SLC6A11: variants seen among roughly 807,000 people sequenced by gnomAD.
The protein encoded by SLC6A11 is solute carrier family 6 member 11, also known as sodium- and chloride-dependent GABA transporter 3.
SLC6A11 carries 25 observed loss-of-function variants against 74.8 expected under a neutral mutation model. The observed-to-expected ratio is 0.33, with a 90% CI of 0.24 to 0.47. The LOEUF is 0.47. Among genes scored for constraint, SLC6A11 ranks in the 20% least tolerant of loss-of-function variants. The probability of loss-of-function intolerance (pLI) is 1.00; values close to 1 mark genes in which losing one functional copy is unlikely to be tolerated. For synonymous variants in SLC6A11, 330 were observed against 330.2 expected, an observed-to-expected ratio of 1.00 and a Z score of 0.01; for missense variants, 574 against 837.0, an observed-to-expected ratio of 0.69 and a Z score of 3.88.
At chr3:10,852,025 G>A (rs566726161) in intron 5 of SLC6A11, among the ~76,000 whole-genome samples, 2 of 152,242 alleles carry the variant, frequency 1.3e-5, no homozygotes, top group South Asian at 2.1e-4. Flanking sequence ...GCTCAATGAG[G>A]CATAAAGCAG....
Position 10,935,187 on chromosome 3 carries a change from G to A in SLC6A11, c.1734G>A (p.Gly578=). 1 of 1,614,142 alleles carries A rather than the reference G, an allele frequency of 6.2e-7. No homozygotes were observed. Among genetic ancestry groups the A allele is most frequent in the Non-Finnish European group, 8.5e-7 (1 of 1,179,992 alleles). The part of the protein sequence containing the change: ...WICITVWKTE[G]TLPEKLQKLT... ...GCATCACAGTGTGGAAGACGGAGGG[G>A]ACACTGCCCGAGGTGAGACCGCCCC... The change falls in exon 13 of 14, where the codon GGG becomes GGA. Residue 578 remains glycine (G), a synonymous_variant. Coordinates refer to ENST00000254488, the MANE Select transcript of SLC6A11 (RefSeq NM_014229.3).
At chr3:10,866,975 G>A (rs3774109) in intron 5 of SLC6A11, among the ~76,000 whole-genome samples, 14,258 of 152,190 alleles carry the variant, frequency 0.094, 958 homozygotes, top group Admixed American at 0.23. Context: ...TCCTGGGAAT[G>A]CAGGTAGTAG....
chr3:10,921,849 ACTTCAAG>A (rs148084254), intron 8 of SLC6A11, among the ~76,000 whole-genome samples: 15,805 of 152,178 alleles, frequency 0.1, 1,351 homozygotes, highest in Admixed American at 0.29. Flanking sequence ...GACAAAGTAA[ACTTCAAG>A]TCAAAAAATA....
rs768267111 is a variant in SLC6A11 at position 10,938,375 on chromosome 3, C to G, written c.1872C>G (p.Ala624=). The change falls in exon 14 of 14, where the codon GCC becomes GCG. Residue 624 remains alanine (A), a synonymous_variant. Transcript: ENST00000254488. Reference sequence around the variant, plus strand: ...TCAAGAGTGACGGGACCATCGCAGCCATCACAGAGAAGGAGACGCACTTCT... The same window carrying G: ...TCAAGAGTGACGGGACCATCGCAGCGATCACAGAGAAGGAGACGCACTTCT... ...AKLKSDGTIA[A]ITEKETHF The G allele has an allele frequency of 1.9e-6, 3 of 1,608,728 alleles. No individual in the cohort carries two copies. The South Asian group carries it at 3.3e-5, about 18-fold the overall frequency.
chr3:10,934,012 A>G (rs1460328269), intron 11 of SLC6A11, 54 bp from the exon 12 acceptor site: 2 of 1,193,822 alleles, frequency 1.7e-6, no homozygotes, highest in African/African-American at 3.0e-5. Flanking sequence ...CCTCTGACTC[A>G]TGTACAAAAC....
intron 7 of SLC6A11, among the ~76,000 whole-genome samples, chr3:10,913,081 T>G (rs1180273687): frequency 2.0e-5 from 3 of 147,724 alleles, no homozygotes; most frequent in African/African-American, 4.9e-5. Context: ...TAACAAATGG[T>G]TCTGAGATAG....
intron 6 of SLC6A11, among the ~76,000 whole-genome samples, chr3:10,893,350 C>T (rs1263795878): frequency 6.6e-6 from 1 of 152,094 alleles, no homozygotes; most frequent in Admixed American, 6.6e-5. Flanking sequence ...TTCTACCTCG[C>T]CCAGAAGGGA....
At chr3:10,861,128 G>A (rs1464767495) in intron 5 of SLC6A11, among the ~76,000 whole-genome samples, 1 of 152,208 alleles carries the variant, frequency 6.6e-6, no homozygotes, top group African/African-American at 2.4e-5. Context: ...CTGTGAGGCA[G>A]GACTTGTTCC....
At chr3:10,897,084 G>T (rs1436415864) in intron 6 of SLC6A11, among the ~76,000 whole-genome samples, 1 of 152,152 alleles carries the variant, frequency 6.6e-6, no homozygotes, top group Non-Finnish European at 1.5e-5. Flanking sequence ...ATCAGATTTT[G>T]TGAGACTTAT....
At chr3:10,936,323 T>C (rs1292395110) in intron 13 of SLC6A11, among the ~76,000 whole-genome samples, 2 of 152,228 alleles carry the variant, frequency 1.3e-5, no homozygotes, top group East Asian at 3.9e-4. Context: ...CTCCGGCTTG[T>C]GTGGTCCTGT....
At chr3:10,898,578 C>G (rs545839094) in intron 6 of SLC6A11, among the ~76,000 whole-genome samples, 1 of 152,352 alleles carries the variant, frequency 6.6e-6, no homozygotes, top group East Asian at 1.9e-4. Flanking sequence ...CACGTTTGCT[C>G]CAGTTTCCAG....
intron 6 of SLC6A11, among the ~76,000 whole-genome samples, chr3:10,884,989 G>A (rs1354179394): frequency 6.6e-6 from 1 of 152,086 alleles, no homozygotes; most frequent in Non-Finnish European, 1.5e-5. Flanking sequence ...CTGAACAACT[G>A]AGGCACAAGT....
At position 10,935,196 on chromosome 3, in the gene SLC6A11, C is replaced by T. The variant is rs757407323; in HGVS notation, c.1743C>T (p.Pro581=). The T allele has an allele frequency of 1.9e-5, 30 of 1,613,810 alleles. No individual in the cohort carries two copies. Among genetic ancestry groups the T allele is most frequent in the Non-Finnish European group, 2.3e-5 (27 of 1,179,894 alleles). Residue 581 remains proline (P), a synonymous_variant, in exon 13 of 14, where the codon CCC becomes CCT. Coordinates refer to ENST00000254488, the MANE Select transcript of SLC6A11 (RefSeq NM_014229.3). ...TGTGGAAGACGGAGGGGACACTGCCCGAGGTGAGACCGCCCCAGGAGGGCT... is the reference window on the plus strand; with the variant it reads ...TGTGGAAGACGGAGGGGACACTGCCTGAGGTGAGACCGCCCCAGGAGGGCT... ...ITVWKTEGTL[P]EKLQKLTTPS... is the part of the protein sequence containing the mutation.
chr3:10,933,915 A>G, intron 11 of SLC6A11, 151 bp from the exon 12 acceptor site: 1 of 572,472 alleles, frequency 1.7e-6, no homozygotes, highest in Non-Finnish European at 3.2e-6. Flanking sequence ...CACACATGTA[A>G]CATCTCGGTC....
chr3:10,875,095 G>C lies in SLC6A11; in HGVS notation c.891G>C (p.Gln297His), dbSNP rs780616136. The change falls in exon 6 of 14, where the codon CAG becomes CAC. Residue 297 changes from glutamine (Q) to histidine (H), a missense_variant and splice_region_variant. Gln to His is a conservative substitution (Grantham distance 24). Around this residue, in one of 4 missense-constraint regions of SLC6A11, gnomAD observed 215 missense variants for 357.9 expected, o/e 0.60. Transcript: ENST00000254488. ...ACCTCTCCCGGCTCTCCGACCCCCA[G>C]GTAAGAGTCGCTTGCTCAATGTGCA... Reference protein sequence around the residue: ...YPDLSRLSDPQVWVDAGTQIF... With the variant: ...YPDLSRLSDPHVWVDAGTQIF... 6.2e-7 allele frequency: 1 copy of C among 1,604,390 alleles called. No individual in the cohort carries two copies. Among genetic ancestry groups the C allele is most frequent in the South Asian group, 1.1e-5 (1 of 89,896 alleles).
intron 6 of SLC6A11, among the ~76,000 whole-genome samples, chr3:10,908,870 A>G (rs1295100396): frequency 6.6e-6 from 1 of 152,164 alleles, no homozygotes; most frequent in Admixed American, 6.5e-5. Flanking sequence ...TATTAGCTTG[A>G]GTTTGAAGTG....
chr3:10,918,336 A>T lies in SLC6A11; in HGVS notation c.1003A>T (p.Ile335Phe). ...CTCGCTGCTTCCCCACAGGGACTGC[A>T]TCATGCTCTGTTGCCTGAACAGCGG... ...NYNNNCYRDC[I>F]MLCCLNSGTS... The change falls in exon 8 of 14, where the codon ATC becomes TTC. Residue 335 changes from isoleucine (I) to phenylalanine (F), a missense_variant. Ile to Phe is a conservative substitution (Grantham distance 21). Coordinates refer to ENST00000254488, the MANE Select transcript of SLC6A11 (RefSeq NM_014229.3). The surrounding 1 kb of genome is among the most constrained non-coding windows in gnomAD (Gnocchi z 4.5). 1 of 1,601,292 alleles carries T rather than the reference A, an allele frequency of 6.2e-7. No homozygotes were observed. The highest frequency in any genetic ancestry group is 1.1e-5 in the South Asian group (1 of 89,422).
intron 4 of SLC6A11, among the ~76,000 whole-genome samples, chr3:10,843,391 C>G (rs1409430165): frequency 5.3e-5 from 8 of 152,182 alleles, no homozygotes. Flanking sequence ...TGCCTCCCAG[C>G]TTGCTGTTCC....
At chr3:10,824,437 T>C (rs1037181816) in intron 4 of SLC6A11, 2 of 152,198 alleles carry the variant, frequency 1.3e-5, no homozygotes, top group African/African-American at 2.4e-5. Context: ...CCAGATACCA[T>C]TCGTCTCCTG....
Sources: allele counts gnomAD v4.1 joint callset (sites outside exome capture counted in the v4.1 genomes callset), GRCh38; gene constraint gnomAD v4.1.1; regional missense constraint gnomAD v4.1.1; non-coding constraint Gnocchi (gnomAD v3.1); transcripts MANE v1.5; gene names NCBI Gene and HGNC (gene_info 2026-07-23, HGNC 2026-07-21).